Variants in PPP2R5E observed in about 807,000 individuals in gnomAD.
The protein encoded by PPP2R5E is protein phosphatase 2 regulatory subunit B'epsilon.
PPP2R5E carries 4 observed loss-of-function variants against 65.3 expected under a neutral mutation model. That is an observed-to-expected ratio of 0.06 (90% confidence interval 0.03 to 0.14). The LOEUF is 0.14. PPP2R5E is among the 10% of genes least tolerant of loss of function. The pLI, the probability that PPP2R5E is intolerant of heterozygous loss-of-function variation, is 1.00. For synonymous variants in PPP2R5E, 183 were observed against 187.4 expected, an observed-to-expected ratio of 0.98 and a Z score of 0.19; for missense variants, 274 against 556.1, an observed-to-expected ratio of 0.49 and a Z score of 5.10.
intron 2 of PPP2R5E, among the ~76,000 whole-genome samples, chr14:63,488,507 G>A (rs1247935686): frequency 6.6e-5 from 10 of 152,164 alleles, no homozygotes; most frequent in Admixed American, 5.9e-4. Flanking sequence ...CCAGCCGTGT[G>A]AATGATTTTA....
chr14:63,512,077 G>C (rs1566754171), intron 2 of PPP2R5E, among the ~76,000 whole-genome samples: 1 of 79,960 alleles, frequency 1.3e-5, no homozygotes, highest in Non-Finnish European at 2.3e-5. Flanking sequence ...AGACTCTGCG[G>C]TAAAAAAAAA....
chr14:63,456,386 G>A (rs1258726299), intron 2 of PPP2R5E, among the ~76,000 whole-genome samples: 3 of 152,198 alleles, frequency 2.0e-5, no homozygotes, highest in Admixed American at 6.5e-5. Flanking sequence ...ATGTTAGGCA[G>A]TTGAAATTTA....
At chr14:63,397,913 G>A (rs1422526652) in intron 5 of PPP2R5E, among the ~76,000 whole-genome samples, 1 of 152,078 alleles carries the variant, frequency 6.6e-6, no homozygotes, top group Non-Finnish European at 1.5e-5. Context: ...ATTTTTAGCA[G>A]AGACAGGGTT....
chr14:63,399,841 C>T (rs935188041), intron 5 of PPP2R5E, among the ~76,000 whole-genome samples: 1 of 152,008 alleles, frequency 6.6e-6, no homozygotes, highest in African/African-American at 2.4e-5. Flanking sequence ...AGACTACCAT[C>T]GTCATCAAAA....
chr14:63,387,563 T>A (rs1209717504), intron 11 of PPP2R5E, among the ~76,000 whole-genome samples: 1 of 149,136 alleles, frequency 6.7e-6, no homozygotes, highest in Non-Finnish European at 1.5e-5. Flanking sequence ...AATTCATTAA[T>A]AAATGTTTGT....
intron 2 of PPP2R5E, among the ~76,000 whole-genome samples, chr14:63,490,929 C>T (rs567733678): frequency 1.3e-5 from 2 of 151,958 alleles, no homozygotes; most frequent in African/African-American, 4.8e-5. Flanking sequence ...AAAAAGACAC[C>T]TGCACTCTCA....
intron 2 of PPP2R5E, among the ~76,000 whole-genome samples, chr14:63,502,783 A>C (rs11849186): frequency 0.012 from 1,829 of 152,338 alleles, 38 homozygotes; most frequent in African/African-American, 0.041. Context: ...CAAATCTACC[A>C]GTAGAAAACT....
At chr14:63,400,310 A>C (rs1187097160) in intron 5 of PPP2R5E, among the ~76,000 whole-genome samples, 2 of 152,240 alleles carry the variant, frequency 1.3e-5, no homozygotes, top group African/African-American at 4.8e-5. Context: ...AGGATGTTGT[A>C]TAAATACACA....
chr14:63,528,402 T>G lies in PPP2R5E; in HGVS notation c.157+11127A>C, dbSNP rs1414412240. On this transcript the variant is annotated intron_variant, in intron 2 of 13. Coordinates refer to ENST00000337537, the MANE Select transcript of PPP2R5E (RefSeq NM_006246.5). ...AATACGCAGAACAGAGGGATTTCAC[T>G]GGACTTAACGTCTTAACTTTTGTGA... 2.0e-5 allele frequency among the ~76,000 whole-genome samples: 3 copies of G among 152,240 alleles called. No individual in the cohort carries two copies. In the East Asian group the frequency reaches 5.8e-4, roughly 29 times the overall value.
At chr14:63,419,345 T>C (rs373398500) in intron 4 of PPP2R5E, among the ~76,000 whole-genome samples, 15 of 152,296 alleles carry the variant, frequency 9.8e-5, no homozygotes, top group African/African-American at 3.6e-4. Flanking sequence ...CTGCTAATTA[T>C]GAAGTTAATA....
chr14:63,392,076 G>T (rs1283452373), intron 8 of PPP2R5E, 51 bp from the exon 9 acceptor site: 1 of 1,428,788 alleles, frequency 7.0e-7, no homozygotes, highest in South Asian at 1.3e-5. Flanking sequence ...ATACAGTAAG[G>T]GCTCAAAAGA....
At chr14:63,376,423 T>C (rs1156926162) in intron 13 of PPP2R5E, among the ~76,000 whole-genome samples, 4 of 151,148 alleles carry the variant, frequency 2.6e-5, no homozygotes, top group Non-Finnish European at 5.9e-5. Flanking sequence ...ATATATCTGC[T>C]CCTTTATTCC....
At chr14:63,529,428 T>C (rs1266206347) in intron 2 of PPP2R5E, among the ~76,000 whole-genome samples, 1 of 149,084 alleles carries the variant, frequency 6.7e-6, no homozygotes, top group Non-Finnish European at 1.5e-5. Context: ...TGGCGCAATC[T>C]TGGCTCACTG....
chr14:63,447,720 G>A (rs953195617), intron 3 of PPP2R5E, among the ~76,000 whole-genome samples: 5 of 152,182 alleles, frequency 3.3e-5, no homozygotes, highest in Non-Finnish European at 5.9e-5. Flanking sequence ...CTTTTGGTCT[G>A]TTTCAGCTTT....
At chr14:63,504,901 T>C (rs903502101) in intron 2 of PPP2R5E, among the ~76,000 whole-genome samples, 12 of 152,228 alleles carry the variant, frequency 7.9e-5, no homozygotes, top group African/African-American at 2.4e-4. Flanking sequence ...AATGATACCA[T>C]GCTGTTCACA....
At chr14:63,406,410 CAA>C (rs569875121) in intron 5 of PPP2R5E, among the ~76,000 whole-genome samples, 22 of 83,248 alleles carry the variant, frequency 2.6e-4, no homozygotes, top group Admixed American at 6.8e-4. Context: ...GACTTCATCT[CAA>C]AAAAAAAAAA....
In PPP2R5E at chr14:63,382,105, T is replaced by C; in HGVS notation, c.1255A>G (p.Ser419Gly). ...GCTGTCAGCTCGTCAAACATGGTGC[T>C]GTTCATTTCCATAAATGCCTTCAAC... Reference protein sequence around the residue: ...NVLKAFMEMNSTMFDELTATY... With the variant: ...NVLKAFMEMNGTMFDELTATY... Residue 419 changes from serine to glycine, a missense_variant, in exon 13 of 14, where the codon AGC becomes GGC. Around this residue, in one of 6 missense-constraint regions of PPP2R5E, gnomAD observed 129 missense variants for 254.9 expected, o/e 0.51. Coordinates refer to ENST00000337537, the MANE Select transcript of PPP2R5E (RefSeq NM_006246.5). 1.2e-6 allele frequency: 2 copies of C among 1,613,986 alleles called. No homozygotes were observed. Among genetic ancestry groups the C allele is most frequent in the Non-Finnish European group, 1.7e-6 (2 of 1,179,904 alleles).
chr14:63,420,658 G>A (rs1886956114), intron 4 of PPP2R5E, among the ~76,000 whole-genome samples: 1 of 152,190 alleles, frequency 6.6e-6, no homozygotes. Flanking sequence ...AGGACAGACA[G>A]ACTTGCAAAT....
At chr14:63,538,920 T>C (rs1357322728) in intron 2 of PPP2R5E, among the ~76,000 whole-genome samples, 2 of 151,684 alleles carry the variant, frequency 1.3e-5, no homozygotes, top group Non-Finnish European at 2.9e-5. Context: ...GGAGACTCTA[T>C]CTCAAAAGAT....
Sources: gnomAD v4.1 joint callset for allele counts (sites outside exome capture counted in the v4.1 genomes callset) on GRCh38, gnomAD v4.1.1 for gene constraint, gnomAD v4.1.1 regional missense constraint, MANE v1.5 for transcripts, NCBI Gene and HGNC (gene_info 2026-07-23, HGNC 2026-07-21) for gene names.